CHD9: variants seen among roughly 807,000 people sequenced by gnomAD.
The protein encoded by CHD9 is chromodomain helicase DNA binding protein 9, also known as ATP-dependent chromatin remodeler CHD9.
CHD9 carries 77 observed loss-of-function variants against 316.1 expected under a neutral mutation model. That is an observed-to-expected ratio of 0.24 (90% CI 0.20 to 0.29). The LOEUF (loss-of-function observed/expected upper bound fraction) is 0.29, where lower values mean the gene tolerates loss of function less well. Ranked by LOEUF, CHD9 falls within the 10% of genes least tolerant of loss-of-function variation. The pLI is 1.00. For missense variants in CHD9, 2,763 were observed against 3,438.1 expected (o/e 0.80, Z 4.91); for synonymous variants, 1,129 against 1,158.3 (o/e 0.97, Z 0.51).
At chr16:53,323,968 T>C in intron 38 of CHD9, 52 bp from the exon 39 acceptor site, 1 of 1,424,430 alleles carries the variant, frequency 7.0e-7, no homozygotes, top group Non-Finnish European at 9.6e-7. Flanking sequence ...AGCTAATAAC[T>C]CTTTATTTTA....
At chr16:53,304,925 C>T (rs1008809182) in intron 31 of CHD9, among the ~76,000 whole-genome samples, 1 of 151,552 alleles carries the variant, frequency 6.6e-6, no homozygotes, top group Non-Finnish European at 1.5e-5. Context: ...AACTCCCGAC[C>T]TCAGGTGATC....
At chr16:53,123,906 T>C (rs1320050388) in intron 1 of CHD9, among the ~76,000 whole-genome samples, 1 of 152,190 alleles carries the variant, frequency 6.6e-6, no homozygotes, top group African/African-American at 2.4e-5. Context: ...GTTTTCAAAG[T>C]TCATCTGTGT....
chr16:53,267,374 A>T lies in CHD9; in HGVS notation c.4401A>T (p.Leu1467Phe). 6.2e-7 allele frequency: 1 copy of T among 1,613,140 alleles called. No individual in the cohort carries two copies. The highest frequency in any genetic ancestry group is 8.5e-7 in the Non-Finnish European group (1 of 1,179,370). The change falls in exon 21 of 39, where the codon TTA becomes TTT. Residue 1467 changes from leucine (L) to phenylalanine (F), a missense_variant. Physicochemically the swap from Leu to Phe is conservative, Grantham distance 22. This residue lies in a region of CHD9 where 199 missense variants were observed against 251.7 expected (regional missense o/e 0.79). Transcript: ENST00000447540. ...FSATKDELAE[L>F]SEAESEGDEK... ...CCACAAAAGATGAATTGGCTGAATT[A>T]TCTGAAGCTGAAAGTGAAGGAGATG...
intron 1 of CHD9, among the ~76,000 whole-genome samples, chr16:53,144,860 C>T (rs879476101): frequency 4.7e-4 from 71 of 151,876 alleles, no homozygotes; most frequent in Admixed American, 2.2e-3. Flanking sequence ...GGCATGGTGG[C>T]ACATGCTTTT....
chr16:53,295,511 G>A (rs943348341), intron 29 of CHD9, among the ~76,000 whole-genome samples: 4 of 151,984 alleles, frequency 2.6e-5, no homozygotes, highest in South Asian at 2.1e-4. Context: ...TAAACTACTC[G>A]TTTGTCACAA....
intron 19 of CHD9, among the ~76,000 whole-genome samples, chr16:53,262,308 G>C (rs1295519865): frequency 6.6e-6 from 1 of 152,106 alleles, no homozygotes; most frequent in Non-Finnish European, 1.5e-5. Flanking sequence ...ACAGGTTAAA[G>C]AGTTGAAGTG....
At chr16:53,230,261 G>T (rs977233824) in intron 8 of CHD9, among the ~76,000 whole-genome samples, 6 of 152,234 alleles carry the variant, frequency 3.9e-5, no homozygotes, top group Non-Finnish European at 8.8e-5. Flanking sequence ...CTAGATTAAG[G>T]TGGTATCTGC....
At chr16:53,131,338 T>G in intron 1 of CHD9, 1 of 122,488 alleles carries the variant, frequency 8.2e-6, no homozygotes, top group African/African-American at 3.1e-5. Context: ...CCGCCGCTGC[T>G]CGGCCGGTGG....
At chr16:53,104,996 C>A (rs1206654754) in intron 1 of CHD9, among the ~76,000 whole-genome samples, 3 of 81,490 alleles carry the variant, frequency 3.7e-5, no homozygotes, top group Non-Finnish European at 7.8e-5. Context: ...TAAAAAAAAA[C>A]AAAAAAACAA....
At chr16:53,086,610 G>A (rs2035480179) in intron 1 of CHD9, among the ~76,000 whole-genome samples, 1 of 152,006 alleles carries the variant, frequency 6.6e-6, no homozygotes, top group South Asian at 2.1e-4. Flanking sequence ...TTTAAAATGA[G>A]GAAAAAAATC....
In CHD9 at chr16:53,307,708, A is replaced by G. The variant is rs1315453626; in HGVS notation, c.6808A>G (p.Ser2270Gly). The part of the protein sequence containing the change: ...KDRVMINRLD[S>G]ICQTVLKGKW... ...TCGTGTGATGATCAATAGGTTGGAC[A>G]GTATTTGTCAAACAGTTCTGAAAGG... The change falls in exon 33 of 39, where the codon AGT becomes GGT. Residue 2270 changes from serine (S) to glycine (G), a missense_variant. Physicochemically the swap from Ser to Gly is moderately conservative, Grantham distance 56. Transcript: ENST00000447540. 1.2e-6 allele frequency: 2 copies of G among 1,610,756 alleles called. No individual in the cohort carries two copies. Among genetic ancestry groups the G allele is most frequent in the African/African-American group, 2.7e-5 (2 of 74,912 alleles).
intron 26 of CHD9, among the ~76,000 whole-genome samples, chr16:53,287,006 C>T (rs2053934675): frequency 6.6e-6 from 1 of 152,128 alleles, no homozygotes; most frequent in African/African-American, 2.4e-5. Flanking sequence ...GTCATCTAGG[C>T]TGGAATGCAA....
intron 1 of CHD9, among the ~76,000 whole-genome samples, chr16:53,113,626 T>C (rs1434705231): frequency 2.0e-5 from 3 of 152,198 alleles, no homozygotes; most frequent in Admixed American, 2.0e-4. Flanking sequence ...TTGGCATTTT[T>C]AACTGGAGGA....
rs9924982 is a variant in CHD9, at chr16:53,169,427, A to C, written c.1452+11886A>C. The C allele has an allele frequency of 2.4e-3, 372 of 152,312 alleles. 2 individuals are homozygous for C. The highest frequency in any genetic ancestry group is 8.0e-3 in the African/African-American group (332 of 41,570). 9.4% of individuals were successfully genotyped at this position (152,312 alleles called of 1,614,324 possible). On this transcript the variant is annotated intron_variant, in intron 2 of 38. Coordinates refer to ENST00000447540, the MANE Select transcript of CHD9 (RefSeq NM_001308319.2). ...TGTTACAAGAAAAAAGGTAGCTCCA[A>C]GTCAGCTTAAACAATATCAGAAATG...
chr16:53,297,897 A>G (rs1230718648), intron 30 of CHD9, among the ~76,000 whole-genome samples: 1 of 152,238 alleles, frequency 6.6e-6, no homozygotes, highest in Admixed American at 6.5e-5. Flanking sequence ...ATTACTAGGT[A>G]ATTCAGAGTA....
chr16:53,306,486 A>G lies in CHD9; in HGVS notation c.6780+89A>G, dbSNP rs1054319059. 49 of 1,110,468 alleles carry G rather than the reference A, an allele frequency of 4.4e-5. No individual in the cohort carries two copies. The African/African-American group carries it at 7.3e-4, about 17-fold the overall frequency. 68.8% of individuals were successfully genotyped at this position (1,110,468 alleles called of 1,614,324 possible). A position where few individuals can be genotyped will look rare whatever the true frequency, so the allele number is the denominator to read the frequency against. ...GTAGATATTCTTACTATGTGGAAAC[A>G]TAGGTCAGCGTAAAATGTAGGATGA... On this transcript the variant is annotated intron_variant, in intron 32 of 38. Coordinates refer to ENST00000447540, the MANE Select transcript of CHD9 (RefSeq NM_001308319.2).
chr16:53,293,408 A>T (rs1016086649), intron 29 of CHD9, among the ~76,000 whole-genome samples: 2 of 151,976 alleles, frequency 1.3e-5, no homozygotes, highest in Admixed American at 6.6e-5. Context: ...TGAGCTCAGG[A>T]TTTCGAGACC....
chr16:53,165,581 C>T (rs963261519), intron 2 of CHD9, among the ~76,000 whole-genome samples: 2 of 151,938 alleles, frequency 1.3e-5, no homozygotes, highest in African/African-American at 4.8e-5. Context: ...TTCTTAATAC[C>T]TCCAGGAATT....
At chr16:53,122,561 T>C (rs79811792) in intron 1 of CHD9, among the ~76,000 whole-genome samples, 1 of 151,260 alleles carries the variant, frequency 6.6e-6, no homozygotes, top group East Asian at 1.9e-4. Flanking sequence ...TTTTTTTTTT[T>C]TGAGACAGAG....
Sources: gnomAD v4.1 joint callset for allele counts (sites outside exome capture counted in the v4.1 genomes callset) on GRCh38, gnomAD v4.1.1 for gene constraint, gnomAD v4.1.1 regional missense constraint, MANE v1.5 for transcripts, NCBI Gene and HGNC (gene_info 2026-07-23, HGNC 2026-07-21) for gene names.